Variants in KCNJ3 observed in about 807,000 individuals in gnomAD.
The protein encoded by KCNJ3 is potassium inwardly rectifying channel subfamily J member 3, also known as G protein-activated inward rectifier potassium channel 1.
A neutral mutation model predicts 39.2 loss-of-function variants in KCNJ3; 4 were observed. The ratio of observed to expected loss-of-function variants is 0.10; its 90% CI spans 0.05 to 0.23. The LOEUF is 0.23. Among genes scored for constraint, KCNJ3 ranks in the 10% least tolerant of loss-of-function variants. KCNJ3 has a pLI of 1.00. For missense variants in KCNJ3, 276 were observed against 634.9 expected (o/e 0.43, Z 6.08); for synonymous variants, 230 against 237.4 (o/e 0.97, Z 0.29).
At chr2:154,847,836 C>T (rs764642848) in intron 2 of KCNJ3, among the ~76,000 whole-genome samples, 2 of 152,072 alleles carry the variant, frequency 1.3e-5, no homozygotes, top group Admixed American at 1.3e-4. Context: ...ACTGGTGGAG[C>T]TGGGATTCAG....
intron 2 of KCNJ3, among the ~76,000 whole-genome samples, chr2:154,776,511 A>T (rs1686338228): frequency 6.6e-6 from 1 of 152,202 alleles, no homozygotes. Flanking sequence ...GAAGATTTCA[A>T]CTATTTCATG....
At chr2:154,703,957 G>A (rs1684954695) in intron 1 of KCNJ3, among the ~76,000 whole-genome samples, 1 of 152,010 alleles carries the variant, frequency 6.6e-6, no homozygotes, top group African/African-American at 2.4e-5. Context: ...ACCTCAGAAT[G>A]CTCAGGAGCT....
intron 2 of KCNJ3, among the ~76,000 whole-genome samples, chr2:154,719,914 A>G (rs1001439023): frequency 3.9e-5 from 6 of 152,074 alleles, no homozygotes; most frequent in Non-Finnish European, 8.8e-5. Context: ...CATTGCCTCA[A>G]TTTGATTAGT....
intron 2 of KCNJ3, among the ~76,000 whole-genome samples, chr2:154,816,976 T>C (rs908024807): frequency 2.6e-4 from 40 of 152,178 alleles, no homozygotes; most frequent in Admixed American, 2.5e-3. Flanking sequence ...AGTTTATGAC[T>C]TTATTTTTCT....
chr2:154,840,479 A>T lies in KCNJ3; in HGVS notation c.920-14248A>T, dbSNP rs150763570. Among the ~76,000 whole-genome samples, 856 of 152,276 alleles carry T rather than the reference A, an allele frequency of 5.6e-3. 10 individuals are homozygous for T. Among genetic ancestry groups the T allele is most frequent in the African/African-American group, 0.02 (818 of 41,554 alleles). On this transcript the variant is annotated intron_variant, in intron 2 of 2. Coordinates refer to ENST00000295101, the MANE Select transcript of KCNJ3 (RefSeq NM_002239.4). The stretch of plus-strand genomic sequence containing the variant: ...TAGTTTTTTCCAATTCTGTGAAGTC[A>T]TTGGTAGCTTGATGGGGATGGCATT...
chr2:154,836,141 C>T (rs1020069815), intron 2 of KCNJ3, among the ~76,000 whole-genome samples: 5 of 148,020 alleles, frequency 3.4e-5, no homozygotes, highest in Admixed American at 1.4e-4. Flanking sequence ...ACTCAGGAGG[C>T]GGAGGTTGCA....
intron 2 of KCNJ3, among the ~76,000 whole-genome samples, chr2:154,753,495 C>T (rs1685884240): frequency 6.6e-6 from 1 of 152,090 alleles, no homozygotes; most frequent in African/African-American, 2.4e-5. Flanking sequence ...AAATACCAGT[C>T]CTTCACTCAA....
rs763943668 is a variant in KCNJ3 at position 154,714,801 on chromosome 2, A to C, written c.919+4982A>C. On this transcript the variant is annotated intron_variant, in intron 2 of 2. Transcript: ENST00000295101. Reference sequence around the variant, plus strand: ...TGTAGGCTAAACAATTCTAGACTTTAAGGGACACAGTTTGCAAAACAAAAT... The same window carrying C: ...TGTAGGCTAAACAATTCTAGACTTTCAGGGACACAGTTTGCAAAACAAAAT... 2.6e-4 allele frequency among the ~76,000 whole-genome samples: 39 copies of C among 152,230 alleles called. 1 individual carries two copies. The highest frequency in any genetic ancestry group is 1.0e-4 in the Non-Finnish European group (7 of 68,042).
chr2:154,747,686 T>C (rs1685771765), intron 2 of KCNJ3, among the ~76,000 whole-genome samples: 1 of 151,978 alleles, frequency 6.6e-6, no homozygotes, highest in South Asian at 2.1e-4. Flanking sequence ...AAAAGACAAA[T>C]AGCCCTGCAT....
At chr2:154,843,674 T>C (rs1687617271) in intron 2 of KCNJ3, among the ~76,000 whole-genome samples, 1 of 152,192 alleles carries the variant, frequency 6.6e-6, no homozygotes, top group Non-Finnish European at 1.5e-5. Flanking sequence ...CTTCACATTT[T>C]ATTTCATTGA....
At chr2:154,778,822 T>G (rs1256157735) in intron 2 of KCNJ3, among the ~76,000 whole-genome samples, 1 of 152,098 alleles carries the variant, frequency 6.6e-6, no homozygotes, top group Admixed American at 6.6e-5. Context: ...ACTGAAATAT[T>G]TTTTCCCTCA....
chr2:154,706,450 G>T (rs747632131), intron 1 of KCNJ3, among the ~76,000 whole-genome samples: 9 of 152,070 alleles, frequency 5.9e-5, no homozygotes, highest in Middle Eastern at 3.2e-3. Context: ...TGAAACTGAT[G>T]AAATATCAGT....
chr2:154,766,797 G>A lies in KCNJ3; in HGVS notation c.919+56978G>A, dbSNP rs539752449. ...TCTCGAACTCCTGACCTCGTGACCC[G>A]CCCACCTCGGCCACCGAAAGTGCTG... is the stretch of plus-strand genomic sequence containing the variant. On this transcript the variant is annotated intron_variant, in intron 2 of 2. Coordinates refer to ENST00000295101, the MANE Select transcript of KCNJ3 (RefSeq NM_002239.4). Among the ~76,000 whole-genome samples the A allele has an allele frequency of 5.4e-4, 82 of 151,950 alleles. 1 individual carries two copies. The highest frequency in any genetic ancestry group is 1.5e-3 in the African/African-American group (61 of 41,444).
intron 2 of KCNJ3, among the ~76,000 whole-genome samples, chr2:154,831,560 G>T (rs2105119863): frequency 6.6e-6 from 1 of 152,294 alleles, no homozygotes; most frequent in Admixed American, 6.5e-5. Flanking sequence ...GTTAAGGACA[G>T]TGTCCAATGG....
intron 2 of KCNJ3, among the ~76,000 whole-genome samples, chr2:154,852,812 A>G (rs1221048037): frequency 6.6e-6 from 1 of 152,118 alleles, no homozygotes; most frequent in East Asian, 1.9e-4. Context: ...CTAATTTATT[A>G]TCTTATATAT....
chr2:154,849,603 A>G (rs956813949), intron 2 of KCNJ3, among the ~76,000 whole-genome samples: 7 of 152,104 alleles, frequency 4.6e-5, no homozygotes, highest in African/African-American at 1.7e-4. Flanking sequence ...GCATTCAGAC[A>G]TTTCCCTTGG....
chr2:154,838,447 T>TATCA (rs1372522544), intron 2 of KCNJ3, among the ~76,000 whole-genome samples: 2 of 152,206 alleles, frequency 1.3e-5, no homozygotes, highest in African/African-American at 2.4e-5. Flanking sequence ...TCAGTATCTT[T>TATCA]ATCAGTCATA....
intron 2 of KCNJ3, among the ~76,000 whole-genome samples, chr2:154,833,103 ATAAG>A (rs1236033535): frequency 7.9e-5 from 12 of 152,216 alleles, no homozygotes; most frequent in African/African-American, 2.4e-4. Context: ...AAATTGTTAA[ATAAG>A]TAAGCAGATT....
intron 2 of KCNJ3, among the ~76,000 whole-genome samples, chr2:154,840,297 A>G (rs907089514): frequency 6.6e-6 from 1 of 152,008 alleles, no homozygotes; most frequent in Non-Finnish European, 1.5e-5. Flanking sequence ...CCATTGGTCT[A>G]TATCTCTGTT....
Sources: gnomAD v4.1 joint callset for allele counts (sites outside exome capture counted in the v4.1 genomes callset) on GRCh38, gnomAD v4.1.1 for gene constraint, MANE v1.5 for transcripts, NCBI Gene and HGNC (gene_info 2026-07-23, HGNC 2026-07-21) for gene names.